The following MEGF10 variants were observed in gnomAD, a reference collection of about 807,000 sequenced individuals.
The protein encoded by MEGF10 is multiple EGF like domains 10.
A neutral mutation model predicts 147.5 loss-of-function variants in MEGF10; 86 were observed. The observed-to-expected ratio is 0.58, with a 90% CI of 0.49 to 0.70. The LOEUF (loss-of-function observed/expected upper bound fraction) is 0.70, where lower values mean the gene tolerates loss of function less well. MEGF10 is among the 30% of genes least tolerant of loss of function. The probability of loss-of-function intolerance (pLI) is 0.00; values close to 1 mark genes in which losing one functional copy is unlikely to be tolerated. For missense variants in MEGF10, 1,329 were observed against 1,487.3 expected (o/e 0.89, Z 1.75); for synonymous variants, 478 against 525.5 (o/e 0.91, Z 1.24).
chr5:127,233,728 G>A, the MEGF10 span, among the ~76,000 whole-genome samples: 1 of 152,166 alleles, frequency 6.6e-6, no homozygotes, highest in Non-Finnish European at 1.5e-5. Flanking sequence ...AGAAATTGGA[G>A]ATTTGGAGTA....
rs1227402464 is a variant in MEGF10 at position 127,433,514 on chromosome 5, G to A, written c.1840+5G>A. ...GAGGCACCACTTGTCAGAGGAGTAAGTGTCTCATTAGGCAGTAATTTCCAC... is the reference window on the plus strand; with the variant it reads ...GAGGCACCACTTGTCAGAGGAGTAAATGTCTCATTAGGCAGTAATTTCCAC... On this transcript the variant is annotated splice_donor_5th_base_variant and intron_variant, in intron 14 of 24. Transcript: ENST00000503335. 1 of 1,595,334 alleles carries A rather than the reference G, an allele frequency of 6.3e-7. No individual in the cohort carries two copies. The highest frequency in any genetic ancestry group is 8.5e-7 in the Non-Finnish European group (1 of 1,170,266).
intron 5 of MEGF10, among the ~76,000 whole-genome samples, chr5:127,387,278 G>C (rs993126023): frequency 6.6e-6 from 1 of 151,840 alleles, no homozygotes; most frequent in Non-Finnish European, 1.5e-5. Context: ...CTTGTCCTTT[G>C]TCTACCTGAA....
At chr5:127,285,781 A>G in the MEGF10 span, among the ~76,000 whole-genome samples, 1 of 152,110 alleles carries the variant, frequency 6.6e-6, no homozygotes, top group African/African-American at 2.4e-5. Flanking sequence ...AATTAAAATA[A>G]ATAAAAATAT....
intron 5 of MEGF10, among the ~76,000 whole-genome samples, chr5:127,386,352 C>T (rs1437430388): frequency 6.6e-6 from 1 of 152,166 alleles, no homozygotes; most frequent in Non-Finnish European, 1.5e-5. Context: ...TATTTGGTGC[C>T]TCTCAATTTG....
chr5:127,431,705 G>A (rs962280589), intron 13 of MEGF10, among the ~76,000 whole-genome samples: 1 of 152,218 alleles, frequency 6.6e-6, no homozygotes, highest in African/African-American at 2.4e-5. Flanking sequence ...CTCACGGTCA[G>A]AGTCTAGGAC....
chr5:127,337,046 A>G lies in MEGF10; in HGVS notation c.117-2074A>G, dbSNP rs118102436. On this transcript the variant is annotated intron_variant, in intron 2 of 24. Coordinates refer to ENST00000503335, the MANE Select transcript of MEGF10 (RefSeq NM_001256545.2). ...AGTCAGAAAATATGATTAAGTATTG[A>G]GTTTATTCGGGCGCAAAATTTGAGG... Among the ~76,000 whole-genome samples the G allele has an allele frequency of 8.1e-4, 124 of 152,258 alleles. 2 individuals are homozygous for G. In the East Asian group the frequency reaches 0.021, roughly 26 times the overall value.
In MEGF10 at chr5:127,365,447, C is replaced by T. The variant is rs73344988; in HGVS notation, c.320-4463C>T. Among the ~76,000 whole-genome samples the T allele has an allele frequency of 1.1e-3, 163 of 152,254 alleles. 2 individuals carry two copies. The highest frequency in any genetic ancestry group is 3.7e-3 in the African/African-American group (155 of 41,554). On this transcript the variant is annotated intron_variant, in intron 4 of 24. Transcript: ENST00000503335. ...ATTTACAAGTAAAAGGAATGAGGTCCATGTCATTGGTAATGGGATTTAAAT... is the reference window on the plus strand; with the variant it reads ...ATTTACAAGTAAAAGGAATGAGGTCTATGTCATTGGTAATGGGATTTAAAT...
the MEGF10 span, among the ~76,000 whole-genome samples, chr5:127,272,866 A>G: frequency 2.6e-5 from 4 of 152,204 alleles, no homozygotes; most frequent in Admixed American, 2.6e-4. Flanking sequence ...GGAGCATGTC[A>G]TCTGCAAACG....
chr5:127,444,206 G>A (rs754177862), intron 19 of MEGF10, among the ~76,000 whole-genome samples: 5 of 152,180 alleles, frequency 3.3e-5, no homozygotes, highest in Non-Finnish European at 4.4e-5. Context: ...AAGCAGTTGG[G>A]CTATAAAAGG....
At chr5:127,413,184 A>G (rs1273346197) in intron 9 of MEGF10, among the ~76,000 whole-genome samples, 1 of 152,226 alleles carries the variant, frequency 6.6e-6, no homozygotes, top group Non-Finnish European at 1.5e-5. Context: ...TATAAGTAAT[A>G]TTAGTATTTC....
intron 14 of MEGF10, 97 bp from the exon 15 acceptor site, chr5:127,434,590 T>A: frequency 7.4e-7 from 1 of 1,343,164 alleles, no homozygotes; most frequent in Non-Finnish European, 9.9e-7. Flanking sequence ...TTTAAGGTTT[T>A]GCTTTTTAAC....
chr5:127,257,102 T>A, the MEGF10 span, among the ~76,000 whole-genome samples: 1 of 152,024 alleles, frequency 6.6e-6, no homozygotes, highest in South Asian at 2.1e-4. Flanking sequence ...AGAACTTCAT[T>A]GTGAGCAAAG....
chr5:127,269,350 G>A, the MEGF10 span, among the ~76,000 whole-genome samples: 13 of 152,288 alleles, frequency 8.5e-5, no homozygotes, highest in Admixed American at 8.5e-4. Context: ...AAAAATGTTA[G>A]AATGAATGGC....
the MEGF10 span, among the ~76,000 whole-genome samples, chr5:127,248,645 T>C: frequency 6.6e-6 from 1 of 151,754 alleles, no homozygotes; most frequent in Non-Finnish European, 1.5e-5. Context: ...AAAAACACAA[T>C]GATGGAAGAT....
intron 24 of MEGF10, among the ~76,000 whole-genome samples, chr5:127,456,909 C>T (rs1766380757): frequency 6.6e-6 from 1 of 152,106 alleles, no homozygotes; most frequent in Non-Finnish European, 1.5e-5. Flanking sequence ...TTATGTGGTC[C>T]TCCTTTTGTT....
chr5:127,407,941 T>C (rs538556335), intron 8 of MEGF10, among the ~76,000 whole-genome samples: 1 of 152,346 alleles, frequency 6.6e-6, no homozygotes, highest in South Asian at 2.1e-4. Context: ...AGTGCAACAT[T>C]GACAAAACAT....
At chr5:127,242,670 T>A in the MEGF10 span, among the ~76,000 whole-genome samples, 2 of 152,204 alleles carry the variant, frequency 1.3e-5, no homozygotes, top group African/African-American at 2.4e-5. Context: ...TATTTTTTTT[T>A]AGTAACTTGA....
intron 1 of MEGF10, among the ~76,000 whole-genome samples, chr5:127,298,703 A>G (rs1561555223): frequency 6.6e-6 from 1 of 152,096 alleles, no homozygotes; most frequent in Non-Finnish European, 1.5e-5. Flanking sequence ...ACTTGGCCAG[A>G]GGGGGTCACA....
At chr5:127,285,226 T>C in the MEGF10 span, among the ~76,000 whole-genome samples, 1 of 152,122 alleles carries the variant, frequency 6.6e-6, no homozygotes, top group Admixed American at 6.5e-5. Context: ...AATATCATGA[T>C]TTCAACCTGC....
Sources: gnomAD v4.1 joint callset for allele counts (sites outside exome capture counted in the v4.1 genomes callset) on GRCh38, gnomAD v4.1.1 for gene constraint, MANE v1.5 for transcripts, NCBI Gene and HGNC (gene_info 2026-07-23, HGNC 2026-07-21) for gene names.